The following CENPE variants were observed in gnomAD, a reference collection of about 807,000 sequenced individuals.
CENPE encodes the protein centromere protein E.
CENPE carries 145 observed loss-of-function variants against 336.1 expected under a neutral mutation model. The ratio of observed to expected loss-of-function variants is 0.43; its 90% confidence interval spans 0.38 to 0.50. The LOEUF is 0.50. CENPE is among the 20% of genes least tolerant of loss of function. The pLI, the probability that CENPE is intolerant of heterozygous loss-of-function variation, is 0.00. For synonymous variants in CENPE, 1,013 were observed against 984.8 expected, an observed-to-expected ratio of 1.03 and a Z score of -0.54; for missense variants, 2,719 against 3,023.3, an observed-to-expected ratio of 0.90 and a Z score of 2.36.
intron 35 of CENPE, 97 bp from the exon 36 acceptor site, chr4:103,141,201 T>A (rs1404658032): frequency 8.5e-6 from 6 of 706,258 alleles, no homozygotes; most frequent in Non-Finnish European, 1.4e-5. Context: ...CCCATGTTAC[T>A]CTCACTGATA....
chr4:103,191,812 T>TA (rs542884099), intron 8 of CENPE, among the ~76,000 whole-genome samples: 156 of 151,150 alleles, frequency 1.0e-3, no homozygotes, highest in African/African-American at 3.7e-3. Flanking sequence ...TAAATAAAAA[T>TA]AAAAAAACGT....
rs777054903 is a variant in CENPE, at chr4:103,174,876, G to A, written c.1507C>T (p.Leu503Phe). The A allele has an allele frequency of 1.3e-6, 2 of 1,494,184 alleles. No homozygotes were observed. Among genetic ancestry groups the A allele is most frequent in the Non-Finnish European group, 8.9e-7 (1 of 1,125,160 alleles). 92.6% of individuals were successfully genotyped at this position (1,494,184 alleles called of 1,614,324 possible). Reference sequence around the variant, plus strand: ...ACCAGATTATCATAGTCAGCACGAAGTGAGTTCAACTCACTTTCTATATTC... The same window carrying A: ...ACCAGATTATCATAGTCAGCACGAAATGAGTTCAACTCACTTTCTATATTC... ...QENIESELNS[L>F]RADYDNLVLD... Residue 503 changes from leucine to phenylalanine, a missense_variant, in exon 16 of 49, where the codon CTT becomes TTT. Around this residue, in one of 5 missense-constraint regions of CENPE, gnomAD observed 2,437 missense variants for 2,513.3 expected, o/e 0.97. Transcript: ENST00000265148.
At position 103,145,834 on chromosome 4, in the gene CENPE, C is replaced by T; in HGVS notation, c.4408G>A (p.Ala1470Thr). 1 of 1,589,318 alleles carries T rather than the reference C, an allele frequency of 6.3e-7. No individual in the cohort carries two copies. The highest frequency in any genetic ancestry group is 8.5e-7 in the Non-Finnish European group (1 of 1,171,972). ...TGGTGAAAGATGAAACCTACTTTAG[C>T]TACAATTTCTTTTATGTTTTCTTTG... ...QLKENIKEIVAKHLETEEELK... is the reference protein window; with the variant it reads ...QLKENIKEIVTKHLETEEELK... Residue 1470 changes from alanine to threonine, a missense_variant, in exon 30 of 49, where the codon GCT (alanine) becomes ACT (threonine). Around this residue, in one of 5 missense-constraint regions of CENPE, gnomAD observed 2,437 missense variants for 2,513.3 expected, o/e 0.97. Transcript: ENST00000265148.
At chr4:103,150,165 C>A (rs1316578631) in intron 26 of CENPE, among the ~76,000 whole-genome samples, 4 of 152,144 alleles carry the variant, frequency 2.6e-5, no homozygotes, top group Non-Finnish European at 5.9e-5. Flanking sequence ...AATACTGAGA[C>A]ATTAACCTTC....
chr4:103,190,557 T>C (rs1001264393), intron 8 of CENPE, among the ~76,000 whole-genome samples: 5 of 152,238 alleles, frequency 3.3e-5, no homozygotes, highest in African/African-American at 7.2e-5. Flanking sequence ...ATTGCCTATT[T>C]AATAAATGGT....
At chr4:103,135,104 C>A (rs1751953414) in intron 40 of CENPE, among the ~76,000 whole-genome samples, 1 of 152,214 alleles carries the variant, frequency 6.6e-6, no homozygotes, top group South Asian at 2.1e-4. Context: ...GTGTTGCTCC[C>A]TTTTCTGCTA....
rs764431916 is a variant in CENPE at position 103,140,876 on chromosome 4, C to T, written c.5692G>A (p.Glu1898Lys). The T allele has an allele frequency of 6.2e-7, 1 of 1,612,076 alleles. No individual in the cohort carries two copies. The highest frequency in any genetic ancestry group is 2.2e-5 in the East Asian group (1 of 44,838). ...TCTCTCTCCAGTTTGAGTGTCTCCT[C>T]TACTCTTCTTAGATTATCTCTTTCT... ...MKERDNLRRV[E>K]ETLKLERDQL... is the part of the protein sequence containing the mutation. Residue 1898 changes from glutamate (E) to lysine (K), a missense_variant, in exon 36 of 49, where the codon GAG (glutamate) becomes AAG (lysine). Transcript: ENST00000265148.
chr4:103,111,084 C>A, intron 46 of CENPE, 73 bp from the exon 47 acceptor site: 1 of 1,141,352 alleles, frequency 8.8e-7, no homozygotes, highest in Non-Finnish European at 1.2e-6. Context: ...GAAATACTAC[C>A]AAGTACAATA....
intron 5 of CENPE, 43 bp from the exon 6 acceptor site, chr4:103,194,727 C>T (rs372257255): frequency 2.0e-6 from 3 of 1,480,134 alleles, no homozygotes; most frequent in Non-Finnish European, 2.8e-6. Flanking sequence ...AAATAGAAGT[C>T]ACAAGTTTGC....
At chr4:103,114,314 C>A in intron 46 of CENPE, 141 bp downstream of exon 46, 2 of 559,984 alleles carry the variant, frequency 3.6e-6, no homozygotes, top group Non-Finnish European at 3.2e-6. Context: ...AATATGGTTC[C>A]AATAAATTCA....
chr4:103,135,410 G>A (rs1255217209), intron 40 of CENPE, among the ~76,000 whole-genome samples: 1 of 152,080 alleles, frequency 6.6e-6, no homozygotes, highest in Non-Finnish European at 1.5e-5. Flanking sequence ...TTGAATCTCA[G>A]TTAATGGTAC....
intron 8 of CENPE, among the ~76,000 whole-genome samples, chr4:103,188,331 A>G (rs1392151998): frequency 6.6e-6 from 1 of 152,260 alleles, no homozygotes; most frequent in Non-Finnish European, 1.5e-5. Context: ...CCCCAAATCA[A>G]CAGAATATAC....
In CENPE at chr4:103,146,063, T is replaced by C. The variant is rs767360104; in HGVS notation, c.4179A>G (p.Lys1393=). 4.3e-6 allele frequency: 7 copies of C among 1,613,768 alleles called. 1 individual carries two copies. The African/African-American group carries it at 5.3e-5, about 12-fold the overall frequency. The stretch of plus-strand genomic sequence containing the variant: ...TTTTGGTAGTTTCATTGTCTTTTTC[T>C]TTCATATTTAAGGACTGTTCTTGTT... ...QSKQEQSLNM[K]EKDNETTKIV... is the part of the protein sequence containing the mutation. Residue 1393 remains lysine (K), a synonymous_variant, in exon 30 of 49, where the codon AAA becomes AAG. Coordinates refer to ENST00000265148, the MANE Select transcript of CENPE (RefSeq NM_001813.3).
At chr4:103,196,903 G>T in intron 1 of CENPE, 53 bp from the exon 2 acceptor site, 1 of 842,100 alleles carries the variant, frequency 1.2e-6, no homozygotes, top group Non-Finnish European at 2.0e-6. Flanking sequence ...CATGTCATAG[G>T]AGGAATAATT....
At chr4:103,144,212 C>T (rs1046041355) in intron 33 of CENPE, 119 bp downstream of exon 33, 19 of 756,112 alleles carry the variant, frequency 2.5e-5, no homozygotes, top group East Asian at 1.7e-4. Flanking sequence ...CTGGGATTAC[C>T]GGCTCGAGCC....
intron 16 of CENPE, among the ~76,000 whole-genome samples, chr4:103,168,891 T>C (rs188844532): frequency 1.3e-5 from 2 of 152,284 alleles, no homozygotes; most frequent in East Asian, 3.9e-4. Context: ...ACATTCATCT[T>C]CAATGTGCAG....
At position 103,149,295 on chromosome 4, in the gene CENPE, T is replaced by C; in HGVS notation, c.3510A>G (p.Lys1170=). Residue 1170 remains lysine, a synonymous_variant, in exon 27 of 49, where the codon AAA becomes AAG. Transcript: ENST00000265148. Reference sequence around the variant, plus strand: ...TTTCCATATGTTCCAATGTCAATTCTTTGTTCTTTAATTCATTCTTTAAAT... The same window carrying C: ...TTTCCATATGTTCCAATGTCAATTCCTTGTTCTTTAATTCATTCTTTAAAT... The part of the protein sequence containing the change: ...IENLKNELKN[K]ELTLEHMETE... 6.2e-7 allele frequency: 1 copy of C among 1,612,646 alleles called. No homozygotes were observed. The highest frequency in any genetic ancestry group is 1.3e-5 in the African/African-American group (1 of 75,028).
intron 46 of CENPE, among the ~76,000 whole-genome samples, chr4:103,112,748 A>G (rs1188780400): frequency 2.8e-5 from 3 of 107,758 alleles, no homozygotes; most frequent in Non-Finnish European, 5.4e-5. Flanking sequence ...TTATAAGTAT[A>G]TAAGTGTATA....
At chr4:103,191,651 G>A (rs561012604) in intron 8 of CENPE, among the ~76,000 whole-genome samples, 1 of 145,398 alleles carries the variant, frequency 6.9e-6, no homozygotes, top group African/African-American at 2.5e-5. Flanking sequence ...CCTGTTGTGG[G>A]GTGGGGGGAG....
Sources: allele counts gnomAD v4.1 joint callset (sites outside exome capture counted in the v4.1 genomes callset), GRCh38; gene constraint gnomAD v4.1.1; regional missense constraint gnomAD v4.1.1; transcripts MANE v1.5; gene names NCBI Gene and HGNC (gene_info 2026-07-23, HGNC 2026-07-21).